LARGE1: variants seen among roughly 807,000 people sequenced by gnomAD.
The protein encoded by LARGE1 is LARGE xylosyl- and glucuronyltransferase 1, also known as xylosyl- and glucuronyltransferase LARGE1.
LARGE1 carries 43 observed loss-of-function variants against 87.6 expected under a neutral mutation model. The observed-to-expected ratio is 0.49, with a 90% CI of 0.38 to 0.63. LARGE1 has a LOEUF of 0.63. LARGE1 is among the 30% of genes least tolerant of loss of function. The probability of loss-of-function intolerance (pLI) is 0.00; values close to 1 mark genes in which losing one functional copy is unlikely to be tolerated. For missense variants in LARGE1, 802 were observed against 1,000.2 expected (o/e 0.80, Z 2.67); for synonymous variants, 434 against 394.6 (o/e 1.10, Z -1.18).
chr22:33,681,798 T>A (rs986024428), intron 2 of LARGE1, among the ~76,000 whole-genome samples: 3 of 152,214 alleles, frequency 2.0e-5, no homozygotes, highest in African/African-American at 7.2e-5. Flanking sequence ...ATTATCTTTT[T>A]AAAAATGTAC....
chr22:33,624,017 CA>C (rs1245021258), intron 4 of LARGE1, among the ~76,000 whole-genome samples: 9 of 151,766 alleles, frequency 5.9e-5, no homozygotes, highest in South Asian at 2.1e-4. Flanking sequence ...GCGACAAGAG[CA>C]AAACTCCATC....
Position 33,629,639 on chromosome 22 carries a change from G to A in LARGE1, c.409-3313C>T, listed in dbSNP as rs1053965585. ...GGTTGGAGTGGGAATGGGGAGAGTAGGGAGAAAGATAAACGATCCTTGAAA... is the reference window on the plus strand; with the variant it reads ...GGTTGGAGTGGGAATGGGGAGAGTAAGGAGAAAGATAAACGATCCTTGAAA... On this transcript the variant is annotated intron_variant, in intron 3 of 14. Coordinates refer to ENST00000397394, the MANE Select transcript of LARGE1 (RefSeq NM_133642.5). Among the ~76,000 whole-genome samples the A allele has an allele frequency of 3.9e-5, 6 of 152,246 alleles. No individual in the cohort carries two copies. In the South Asian group the frequency reaches 6.2e-4, roughly 16 times the overall value.
intron 6 of LARGE1, among the ~76,000 whole-genome samples, chr22:33,555,381 C>T (rs970709226): frequency 2.0e-5 from 3 of 151,350 alleles, no homozygotes; most frequent in Non-Finnish European, 4.4e-5. Context: ...ATTAGATATT[C>T]ATTAGAAGGT....
rs57605083 is a variant in LARGE1 at position 33,433,607 on chromosome 22, C to CAAAAAAAAAA, written c.788-1352_788-1343dup. Among the ~76,000 whole-genome samples the CAAAAAAAAAA allele has an allele frequency of 2.5e-3, 222 of 88,258 alleles. 1 individual carries two copies. The highest frequency in any genetic ancestry group is 3.4e-3 in the Non-Finnish European group (165 of 48,582). The allele number at this position is 88,258 out of a possible 152,430, so 57.9% of individuals were successfully genotyped here. A position where few individuals can be genotyped will look rare whatever the true frequency, so the allele number is the denominator to read the frequency against. On this transcript the variant is annotated intron_variant, in intron 6 of 14. Coordinates refer to ENST00000397394, the MANE Select transcript of LARGE1 (RefSeq NM_133642.5). Reference sequence around the variant, plus strand: ...CAAGACTCCGTCTCAAAAAACAAAACAAAAAAAAAAAAAAAAAAAAAAAGA... The same window carrying CAAAAAAAAAA: ...CAAGACTCCGTCTCAAAAAACAAAACAAAAAAAAAAAAAAAAAAAAAAAAAAAAAAAAAGA...
intron 6 of LARGE1, among the ~76,000 whole-genome samples, chr22:33,548,473 T>C (rs1353060496): frequency 1.3e-5 from 2 of 152,180 alleles, no homozygotes; most frequent in Non-Finnish European, 2.9e-5. Context: ...TGGAGTGCAA[T>C]GGCTCAATCT....
intron 10 of LARGE1, among the ~76,000 whole-genome samples, chr22:33,327,053 C>T (rs142342383): frequency 2.6e-5 from 4 of 152,268 alleles, no homozygotes; most frequent in East Asian, 1.9e-4. Flanking sequence ...GAAGAGTTGG[C>T]GACATGCGGC....
chr22:33,379,747 G>C (rs1416941944), intron 9 of LARGE1, among the ~76,000 whole-genome samples: 1 of 152,134 alleles, frequency 6.6e-6, no homozygotes, highest in African/African-American at 2.4e-5. Context: ...GGTGGGAATT[G>C]ATCAGTGGGG....
chr22:33,667,893 C>G (rs780906631), intron 2 of LARGE1, among the ~76,000 whole-genome samples: 2 of 152,214 alleles, frequency 1.3e-5, no homozygotes, highest in Non-Finnish European at 2.9e-5. Flanking sequence ...ACAGACATCG[C>G]CACACACTTT....
At chr22:33,266,161 A>AG (rs1482522004) in intron 11 of LARGE1, among the ~76,000 whole-genome samples, 1 of 151,638 alleles carries the variant, frequency 6.6e-6, no homozygotes, top group East Asian at 1.9e-4. Flanking sequence ...AAAAAAAAAA[A>AG]AGAATGAAAG....
intron 11 of LARGE1, among the ~76,000 whole-genome samples, chr22:33,313,240 G>A (rs1243906387): frequency 1.3e-5 from 2 of 151,980 alleles, no homozygotes; most frequent in Admixed American, 6.6e-5. Context: ...GCTCTATCTC[G>A]GGGAGCCCTC....
At chr22:33,390,126 G>A (rs1031722042) in intron 7 of LARGE1, among the ~76,000 whole-genome samples, 1 of 152,186 alleles carries the variant, frequency 6.6e-6, no homozygotes, top group Admixed American at 6.5e-5. Flanking sequence ...TGAATTTGAT[G>A]AGCTGATTCT....
chr22:33,459,324 G>A (rs1391993343), intron 6 of LARGE1, among the ~76,000 whole-genome samples: 1 of 152,092 alleles, frequency 6.6e-6, no homozygotes, highest in Non-Finnish European at 1.5e-5. Flanking sequence ...CAAATGCACA[G>A]GCCTCAGGCA....
intron 5 of LARGE1, among the ~76,000 whole-genome samples, chr22:33,585,868 T>A (rs1044226668): frequency 6.6e-6 from 1 of 152,174 alleles, no homozygotes; most frequent in African/African-American, 2.4e-5. Flanking sequence ...CCGGCTAATT[T>A]TTGTATTTTT....
At chr22:33,820,908 G>A (rs1469530507) in intron 1 of LARGE1, among the ~76,000 whole-genome samples, 1 of 152,018 alleles carries the variant, frequency 6.6e-6, no homozygotes, top group East Asian at 1.9e-4. Flanking sequence ...CCCCTCTTCT[G>A]CCTCCCACAT....
chr22:33,198,675 A>G (rs112437017), intron 11 of LARGE1, among the ~76,000 whole-genome samples: 1 of 139,544 alleles, frequency 7.2e-6, no homozygotes, highest in Non-Finnish European at 1.6e-5. Context: ...ACACACACAC[A>G]CGTATCTAAA....
intron 1 of LARGE1, among the ~76,000 whole-genome samples, chr22:33,828,383 T>C (rs1194834150): frequency 4.0e-5 from 6 of 151,568 alleles, no homozygotes; most frequent in African/African-American, 1.4e-4. Context: ...AGGAAGGAGA[T>C]GGTCAATGGC....
At chr22:33,739,770 A>C (rs16992923) in intron 2 of LARGE1, among the ~76,000 whole-genome samples, 1 of 152,182 alleles carries the variant, frequency 6.6e-6, no homozygotes, top group Non-Finnish European at 1.5e-5. Flanking sequence ...ATGAAGATTA[A>C]TATCTCCTCC....
At chr22:33,167,332 C>A (rs1922327530) in intron 11 of LARGE1, among the ~76,000 whole-genome samples, 1 of 152,210 alleles carries the variant, frequency 6.6e-6, no homozygotes, top group East Asian at 1.9e-4. Context: ...TAGGAAAGCA[C>A]ATATCCCAGA....
chr22:33,594,094 G>A (rs1223439355), intron 5 of LARGE1, among the ~76,000 whole-genome samples: 1 of 152,198 alleles, frequency 6.6e-6, no homozygotes, highest in Non-Finnish European at 1.5e-5. Flanking sequence ...CTAAAAGAAG[G>A]ATTGTGTTTT....
Sources: allele counts gnomAD v4.1 joint callset (sites outside exome capture counted in the v4.1 genomes callset), GRCh38; gene constraint gnomAD v4.1.1; transcripts MANE v1.5; gene names NCBI Gene and HGNC (gene_info 2026-07-23, HGNC 2026-07-21).